The following TRIM2 variants were observed in gnomAD, a reference collection of about 807,000 sequenced individuals.
TRIM2 encodes the protein tripartite motif-containing protein 2.
TRIM2 carries 20 observed loss-of-function variants against 75.2 expected under a neutral mutation model. That is an observed-to-expected ratio of 0.27 (90% CI 0.19 to 0.39). The LOEUF is 0.39. TRIM2 is among the 10% of genes least tolerant of loss of function. TRIM2 has a pLI of 1.00. For synonymous variants in TRIM2, 373 were observed against 388.3 expected (o/e 0.96, Z 0.46); for missense variants, 660 against 990.8 (o/e 0.67, Z 4.48).
upstream of TRIM2, among the ~76,000 whole-genome samples, chr4:153,201,233 G>C (rs1348283487): frequency 6.6e-6 from 1 of 152,076 alleles, no homozygotes; most frequent in Non-Finnish European, 1.5e-5. Flanking sequence ...CAAAGTGCTG[G>C]GATTACAGGC....
intron 10 of TRIM2, among the ~76,000 whole-genome samples, chr4:153,326,995 AAAAG>A (rs1316415617): frequency 6.7e-6 from 1 of 149,508 alleles, no homozygotes; most frequent in Non-Finnish European, 1.5e-5. Context: ...AAAAAAAAAA[AAAAG>A]AAAGAAAGAT....
At chr4:153,208,562 AC>A (rs1009249016) in intron 1 of TRIM2, among the ~76,000 whole-genome samples, 1 of 152,172 alleles carries the variant, frequency 6.6e-6, no homozygotes, top group African/African-American at 2.4e-5. Flanking sequence ...CAAGACCAGA[AC>A]ATAGGTCAAA....
chr4:153,307,446 T>C (rs544840882), intron 6 of TRIM2, among the ~76,000 whole-genome samples: 1 of 151,450 alleles, frequency 6.6e-6, no homozygotes, highest in Admixed American at 6.6e-5. Context: ...AGGAAAAAAA[T>C]ATATATTTTT....
rs1225452658 is a variant in TRIM2 at position 153,295,813 on chromosome 4, C to T, written c.1287C>T (p.Thr429=). 1 of 1,613,970 alleles carries T rather than the reference C, an allele frequency of 6.2e-7. No individual in the cohort carries two copies. Among genetic ancestry groups the T allele is most frequent in the Non-Finnish European group, 8.5e-7 (1 of 1,180,028 alleles). The change falls in exon 6 of 12, where the codon ACC becomes ACT. Residue 429 remains threonine (T), a synonymous_variant. Coordinates refer to ENST00000338700, the MANE Select transcript of TRIM2 (RefSeq NM_015271.5). This position sits in a 1 kb window ranked among gnomAD's most constrained non-coding sequence, Gnocchi z 7.2. ...CTGTCCAGAAGGAAGGGGACTTTACCCTGTCTCTGAGACTCTATGACCAGC... is the reference window on the plus strand; with the variant it reads ...CTGTCCAGAAGGAAGGGGACTTTACTCTGTCTCTGAGACTCTATGACCAGC... ...LYTVQKEGDF[T]LSLRLYDQHI...
intron 1 of TRIM2, chr4:153,222,889 C>G (rs546645198): frequency 3.9e-5 from 6 of 153,030 alleles, no homozygotes; most frequent in Middle Eastern, 3.3e-3. Flanking sequence ...GGAGCGGGTG[C>G]GAAGTCCTGG....
intron 3 of TRIM2, among the ~76,000 whole-genome samples, chr4:153,290,410 T>C (rs1044411695): frequency 1.3e-5 from 2 of 152,176 alleles, no homozygotes; most frequent in Non-Finnish European, 2.9e-5. Context: ...ACCCAAAGTA[T>C]AGTCTTCCCT....
chr4:153,258,044 T>C (rs1210530260), intron 1 of TRIM2, among the ~76,000 whole-genome samples: 2 of 152,194 alleles, frequency 1.3e-5, no homozygotes, highest in Non-Finnish European at 2.9e-5. Flanking sequence ...TTGTTTTAAA[T>C]AGAAGAATTT....
At chr4:153,154,339 A>G (rs1001143245) in intron 1 of TRIM2, among the ~76,000 whole-genome samples, 29 of 152,336 alleles carry the variant, frequency 1.9e-4, no homozygotes, top group East Asian at 7.7e-4. Flanking sequence ...CTGATAGCCA[A>G]TGGAAGACCT....
intron 1 of TRIM2, among the ~76,000 whole-genome samples, chr4:153,184,802 C>A (rs151150281): frequency 6.6e-6 from 1 of 152,298 alleles, no homozygotes; most frequent in African/African-American, 2.4e-5. Flanking sequence ...CTCTCAGATA[C>A]GAGAAACCTC....
At chr4:153,225,892 T>C (rs1033066431) in intron 1 of TRIM2, among the ~76,000 whole-genome samples, 1 of 152,234 alleles carries the variant, frequency 6.6e-6, no homozygotes, top group African/African-American at 2.4e-5. Flanking sequence ...CTTTTTTAAT[T>C]TTTTTAGAGA....
chr4:153,320,983 C>G (rs1189309929), intron 8 of TRIM2, among the ~76,000 whole-genome samples: 1 of 152,170 alleles, frequency 6.6e-6, no homozygotes, highest in Non-Finnish European at 1.5e-5. Flanking sequence ...ACACGTCAAG[C>G]CTGGGTGCCA....
chr4:153,287,202 C>T (rs1256957628), intron 3 of TRIM2, among the ~76,000 whole-genome samples: 1 of 152,074 alleles, frequency 6.6e-6, no homozygotes, highest in African/African-American at 2.4e-5. Flanking sequence ...CTGGTCTTGA[C>T]CTCCTGGACT....
At chr4:153,268,443 A>G (rs771939646) in intron 1 of TRIM2, among the ~76,000 whole-genome samples, 5 of 152,190 alleles carry the variant, frequency 3.3e-5, no homozygotes, top group Admixed American at 1.3e-4. Flanking sequence ...ATGAACAAGG[A>G]CAGCTTAAAG....
At chr4:153,331,183 C>T (rs1276210502) in intron 11 of TRIM2, among the ~76,000 whole-genome samples, 1 of 152,072 alleles carries the variant, frequency 6.6e-6, no homozygotes, top group African/African-American at 2.4e-5. Context: ...ATTAGCCAGA[C>T]ATGGTGGCAC....
intron 1 of TRIM2, among the ~76,000 whole-genome samples, chr4:153,244,355 C>CTTCTTCTTCTTCTCCTTCTTCTTCTTCT (rs1748079616): frequency 7.9e-5 from 1 of 12,714 alleles, no homozygotes; most frequent in East Asian, 2.0e-3. Context: ...CTTCTTCTTC[C>CTTCTTCTTCTTCTCCTTCTTCTTCTTCT]TCTTCTTCTT....
intron 1 of TRIM2, among the ~76,000 whole-genome samples, chr4:153,230,291 C>T (rs2149797296): frequency 6.6e-6 from 1 of 152,288 alleles, no homozygotes; most frequent in East Asian, 1.9e-4. Flanking sequence ...AGCGATCCTC[C>T]CATCTCAGCC....
intron 11 of TRIM2, among the ~76,000 whole-genome samples, chr4:153,333,663 G>A (rs189153252): frequency 8.0e-4 from 122 of 151,998 alleles, no homozygotes; most frequent in Non-Finnish European, 1.3e-3. Flanking sequence ...TCAGCCCCCC[G>A]TACCCCCAAA....
At chr4:153,274,353 G>A (rs867391417) in intron 2 of TRIM2, among the ~76,000 whole-genome samples, 2 of 152,280 alleles carry the variant, frequency 1.3e-5, no homozygotes, top group African/African-American at 4.8e-5. Flanking sequence ...GGACAGTAAG[G>A]GAGTTACTGT....
intron 1 of TRIM2, chr4:153,156,622 A>G (rs1376285352): frequency 1.3e-5 from 2 of 152,140 alleles, no homozygotes; most frequent in Non-Finnish European, 2.9e-5. Context: ...GATCATATAT[A>G]TAAGCTTATA....
Sources: gnomAD v4.1 joint callset for allele counts (sites outside exome capture counted in the v4.1 genomes callset) on GRCh38, gnomAD v4.1.1 for gene constraint, Gnocchi (gnomAD v3.1) non-coding constraint, MANE v1.5 for transcripts, NCBI Gene and HGNC (gene_info 2026-07-23, HGNC 2026-07-21) for gene names.